DOCK10: variants seen among roughly 807,000 people sequenced by gnomAD.
The protein encoded by DOCK10 is dedicator of cytokinesis 10.
A neutral mutation model predicts 280.1 loss-of-function variants in DOCK10; 145 were observed. The ratio of observed to expected loss-of-function variants is 0.52; its 90% CI spans 0.45 to 0.59. DOCK10 has a LOEUF of 0.59. DOCK10 is among the 20% of genes least tolerant of loss of function. The probability of loss-of-function intolerance (pLI) is 0.00; values close to 1 mark genes in which losing one functional copy is unlikely to be tolerated. For synonymous variants in DOCK10, 915 were observed against 942.2 expected, an observed-to-expected ratio of 0.97 and a Z score of 0.53; for missense variants, 2,368 against 2,651.7, an observed-to-expected ratio of 0.89 and a Z score of 2.35.
chr2:224,974,856 ATATAT>A (rs1705336625), intron 1 of DOCK10, among the ~76,000 whole-genome samples: 1 of 81,368 alleles, frequency 1.2e-5, no homozygotes, highest in African/African-American at 3.0e-5. Context: ...ACACACACGT[ATATAT>A]GAGTATATAT....
At chr2:225,026,739 G>A (rs56863295) in intron 1 of DOCK10, among the ~76,000 whole-genome samples, 8,221 of 152,122 alleles carry the variant, frequency 0.054, 733 homozygotes, top group African/African-American at 0.19. Context: ...GTGTGAAAGG[G>A]TGAAATCACC....
intron 48 of DOCK10, among the ~76,000 whole-genome samples, chr2:224,788,518 AT>A (rs1217190451): frequency 6.6e-6 from 1 of 152,088 alleles, no homozygotes; most frequent in Admixed American, 6.6e-5. Context: ...TTTCTGTATA[AT>A]TTTTTCCATT....
chr2:224,774,169 C>T (rs1258566513), intron 52 of DOCK10, among the ~76,000 whole-genome samples: 3 of 152,092 alleles, frequency 2.0e-5, no homozygotes, highest in African/African-American at 7.2e-5. Flanking sequence ...CCAGGATGGC[C>T]CAGCTCTCAA....
intron 27 of DOCK10, among the ~76,000 whole-genome samples, chr2:224,825,072 T>A (rs1314476864): frequency 2.0e-5 from 3 of 150,496 alleles, no homozygotes; most frequent in African/African-American, 7.3e-5. Flanking sequence ...CTCCGCCTCC[T>A]GGGTTCAAGC....
chr2:224,811,887 A>C (rs1374506902), intron 31 of DOCK10, among the ~76,000 whole-genome samples: 1 of 151,998 alleles, frequency 6.6e-6, no homozygotes, highest in African/African-American at 2.4e-5. Flanking sequence ...TGGTTACTGT[A>C]GCCTTGTAGT....
At chr2:224,775,804 A>G (rs1690812118) in intron 51 of DOCK10, among the ~76,000 whole-genome samples, 1 of 152,212 alleles carries the variant, frequency 6.6e-6, no homozygotes, top group African/African-American at 2.4e-5. Context: ...AGAGTAATTC[A>G]AATGAAAACT....
chr2:224,958,139 A>G (rs1482372167), intron 1 of DOCK10, among the ~76,000 whole-genome samples: 1 of 152,262 alleles, frequency 6.6e-6, no homozygotes. Flanking sequence ...GAGGCTTATT[A>G]ATAGAATATT....
intron 4 of DOCK10, among the ~76,000 whole-genome samples, chr2:224,890,639 C>T (rs1179662598): frequency 2.0e-5 from 3 of 152,112 alleles, no homozygotes; most frequent in East Asian, 1.9e-4. Flanking sequence ...CGTGCAACAA[C>T]GTGGATATCA....
chr2:224,999,458 C>T (rs1706366806), intron 1 of DOCK10, among the ~76,000 whole-genome samples: 1 of 133,722 alleles, frequency 7.5e-6, no homozygotes, highest in Admixed American at 7.1e-5. Context: ...TCCCTCCCTC[C>T]CTTCCTGCCT....
intron 3 of DOCK10, among the ~76,000 whole-genome samples, chr2:224,913,565 AT>A (rs1456490290): frequency 6.6e-6 from 1 of 152,148 alleles, no homozygotes; most frequent in Admixed American, 6.6e-5. Context: ...CTGATTAAAT[AT>A]TTTATTTTGA....
rs1302135211 is a variant in DOCK10 at position 224,765,100 on chromosome 2, C to T, written c.*621G>A. The T allele has an allele frequency of 2.0e-5, 3 of 152,630 alleles. No individual in the cohort carries two copies. The highest frequency in any genetic ancestry group is 7.2e-5 in the African/African-American group (3 of 41,452). 9.5% of individuals were successfully genotyped at this position (152,630 alleles called of 1,614,324 possible). On this transcript the variant is annotated 3_prime_UTR_variant, in exon 56 of 56. Transcript: ENST00000258390. ...CAACAGGAAACCAAATGCAAAGTAA[C>T]TGTGTTTTTTATTTCTATGAACAAT...
intron 1 of DOCK10, among the ~76,000 whole-genome samples, chr2:225,040,837 C>A (rs2106151919): frequency 6.6e-6 from 1 of 152,284 alleles, no homozygotes; most frequent in African/African-American, 2.4e-5. Context: ...TCTACTTTTA[C>A]TCGAATTGAA....
Position 224,805,407 on chromosome 2 carries a change from C to A in DOCK10, c.3936+1G>T. 1 of 1,612,772 alleles carries A rather than the reference C, an allele frequency of 6.2e-7. No homozygotes were observed. Among genetic ancestry groups the A allele is most frequent in the Non-Finnish European group, 8.5e-7 (1 of 1,179,160 alleles). ...CAGTAGGTTTGAGAGGGAAGTCATACCTTTTCACAGTTGTCCGTCTTCTCA... is the reference window on the plus strand; with the variant it reads ...CAGTAGGTTTGAGAGGGAAGTCATAACTTTTCACAGTTGTCCGTCTTCTCA... On this transcript the variant is annotated splice_donor_variant, in intron 35 of 55. Transcript: ENST00000258390. LOFTEE classifies it high-confidence loss of function. This position sits in a 1 kb window ranked among gnomAD's most constrained non-coding sequence, Gnocchi z 4.3.
intron 31 of DOCK10, among the ~76,000 whole-genome samples, chr2:224,808,625 A>T (rs891083394): frequency 7.2e-5 from 11 of 152,090 alleles, no homozygotes; most frequent in African/African-American, 2.7e-4. Context: ...CAGTGGCTAA[A>T]AGAGGAATGG....
intron 1 of DOCK10, among the ~76,000 whole-genome samples, chr2:225,002,357 T>C (rs1387388958): frequency 2.6e-5 from 4 of 152,326 alleles, no homozygotes; most frequent in African/African-American, 9.6e-5. Flanking sequence ...GTAGTATCAT[T>C]TCTTCAAGTT....
intron 31 of DOCK10, among the ~76,000 whole-genome samples, chr2:224,808,786 ATGCTTTAC>A (rs1327337211): frequency 1.3e-5 from 2 of 152,086 alleles, no homozygotes; most frequent in Non-Finnish European, 2.9e-5. Flanking sequence ...GATAAGGCTC[ATGCTTTAC>A]TGACTTATTA....
chr2:224,792,058 T>G (rs1692233502), intron 47 of DOCK10, among the ~76,000 whole-genome samples: 2 of 152,188 alleles, frequency 1.3e-5, no homozygotes, highest in South Asian at 4.1e-4. Flanking sequence ...TGAATGTAGA[T>G]TTAATGTGTA....
At chr2:224,906,657 T>C (rs996045545) in intron 3 of DOCK10, among the ~76,000 whole-genome samples, 22 of 152,298 alleles carry the variant, frequency 1.4e-4, no homozygotes, top group Admixed American at 1.4e-3. Flanking sequence ...TATTTTGTAT[T>C]TTTAGTAGAG....
intron 16 of DOCK10, 83 bp downstream of exon 16, chr2:224,854,873 AACCAACC>A: frequency 1.0e-6 from 1 of 975,298 alleles, no homozygotes; most frequent in Non-Finnish European, 1.5e-6. Context: ...CCAACCAACC[AACCAACC>A]AACCAACCAA....
Sources: gnomAD v4.1 joint callset for allele counts (sites outside exome capture counted in the v4.1 genomes callset) on GRCh38, gnomAD v4.1.1 for gene constraint, Gnocchi (gnomAD v3.1) non-coding constraint, MANE v1.5 for transcripts, NCBI Gene and HGNC (gene_info 2026-07-23, HGNC 2026-07-21) for gene names.